The following EFCAB6 variants were observed in gnomAD, a reference collection of about 807,000 sequenced individuals.
EFCAB6 encodes the protein EF-hand calcium-binding domain-containing protein 6.
EFCAB6 carries 156 observed loss-of-function variants against 169.8 expected under a neutral mutation model. The ratio of observed to expected loss-of-function variants is 0.92; its 90% confidence interval spans 0.81 to 1.05. The LOEUF is 1.05. Among genes scored for constraint, EFCAB6 ranks in the 50% least tolerant of loss-of-function variants. The probability of loss-of-function intolerance (pLI) is 0.00; values close to 1 mark genes in which losing one functional copy is unlikely to be tolerated. For synonymous variants in EFCAB6, 698 were observed against 676.4 expected, an observed-to-expected ratio of 1.03 and a Z score of -0.50; for missense variants, 1,800 against 1,829.1, an observed-to-expected ratio of 0.98 and a Z score of 0.29.
At chr22:43,758,997 C>T (rs1019040360) in intron 5 of EFCAB6, among the ~76,000 whole-genome samples, 2 of 152,180 alleles carry the variant, frequency 1.3e-5, no homozygotes, top group Admixed American at 6.5e-5. Context: ...CCAAGACTGG[C>T]GGATCACCTG....
At chr22:43,708,088 C>G (rs1047352654) in intron 10 of EFCAB6, among the ~76,000 whole-genome samples, 1 of 61,970 alleles carries the variant, frequency 1.6e-5, no homozygotes, top group African/African-American at 5.9e-5. Context: ...ATAAAGAAAA[C>G]TAAAAAAAAA....
chr22:43,637,962 G>T (rs1203215395), intron 17 of EFCAB6, among the ~76,000 whole-genome samples: 3 of 152,202 alleles, frequency 2.0e-5, no homozygotes, highest in African/African-American at 7.2e-5. Context: ...ATGTCTGCAG[G>T]CAAATGTTCC....
intron 6 of EFCAB6, among the ~76,000 whole-genome samples, chr22:43,743,864 G>A (rs1162338969): frequency 6.6e-6 from 1 of 152,010 alleles, no homozygotes; most frequent in Non-Finnish European, 1.5e-5. Flanking sequence ...TAACTGTTAA[G>A]TGGATGGATG....
At position 43,744,997 on chromosome 22, in the gene EFCAB6, C is replaced by T. The variant is rs1256831764; in HGVS notation, c.508-9004G>A. On this transcript the variant is annotated intron_variant, in intron 6 of 31. Coordinates refer to ENST00000262726, the MANE Select transcript of EFCAB6 (RefSeq NM_022785.4). This position sits in a 1 kb window ranked among gnomAD's most constrained non-coding sequence, Gnocchi z 4.3. ...AGACCTAAATGTGACCAGAGAGCCA[C>T]CAGATCTGCTGAAGATATTCCTATG... 6.6e-6 allele frequency among the ~76,000 whole-genome samples: 1 copy of T among 152,160 alleles called. No homozygotes were observed. Among genetic ancestry groups the T allele is most frequent in the Non-Finnish European group, 1.5e-5 (1 of 68,034 alleles).
chr22:43,562,747 G>C (rs9614319), intron 26 of EFCAB6, among the ~76,000 whole-genome samples: 1 of 96,334 alleles, frequency 1.0e-5, no homozygotes, highest in Non-Finnish European at 2.1e-5. Flanking sequence ...CCGGTGGGGG[G>C]TTGGAGGGAG....
chr22:43,772,482 T>C (rs2147973454), intron 4 of EFCAB6, among the ~76,000 whole-genome samples: 1 of 151,862 alleles, frequency 6.6e-6, no homozygotes, highest in South Asian at 2.1e-4. Flanking sequence ...CTACTAAAAA[T>C]ACAAAATTAG....
chr22:43,776,435 T>C (rs2061643306), intron 3 of EFCAB6, among the ~76,000 whole-genome samples: 1 of 151,930 alleles, frequency 6.6e-6, no homozygotes, highest in African/African-American at 2.4e-5. Context: ...AAACAAATGA[T>C]AGGGTCATGG....
chr22:43,579,701 T>C (rs1188666894), intron 25 of EFCAB6, among the ~76,000 whole-genome samples: 1 of 150,240 alleles, frequency 6.7e-6, no homozygotes. Flanking sequence ...CATCATTCCA[T>C]ACACATAGGC....
chr22:43,639,881 T>A (rs925703282), intron 17 of EFCAB6, among the ~76,000 whole-genome samples: 1 of 152,206 alleles, frequency 6.6e-6, no homozygotes, highest in Non-Finnish European at 1.5e-5. Context: ...TAACTATTAA[T>A]CTATCCTCGG....
chr22:43,671,435 A>C (rs903377948), intron 15 of EFCAB6, among the ~76,000 whole-genome samples: 2 of 152,046 alleles, frequency 1.3e-5, no homozygotes, highest in African/African-American at 4.8e-5. Flanking sequence ...TTGCTCAGTT[A>C]TCAATATTTG....
Position 43,548,521 on chromosome 22 carries a change from C to T in EFCAB6, c.3648+6348G>A, listed in dbSNP as rs1003935367. 5.0e-5 allele frequency among the ~76,000 whole-genome samples: 5 copies of T among 99,634 alleles called. No homozygotes were observed. The Admixed American group carries it at 8.4e-4, about 17-fold the overall frequency. 65.4% of individuals were successfully genotyped at this position (99,634 alleles called of 152,430 possible). On this transcript the variant is annotated intron_variant, in intron 27 of 31. Transcript: ENST00000262726. ...AGCCACTGCACCCCGGTCTGGGTGA[C>T]AGAGCGAGAATCCATCTCAAAAAAA... is the stretch of plus-strand genomic sequence containing the variant.
chr22:43,799,346 C>CACAT lies in EFCAB6; in HGVS notation c.-8+9648_-8+9649insATGT, dbSNP rs796740203. Among the ~76,000 whole-genome samples the CACAT allele has an allele frequency of 6.9e-4, 105 of 151,914 alleles. 2 individuals carry two copies. The highest frequency in any genetic ancestry group is 2.5e-3 in the African/African-American group (103 of 41,414). ...ATCTGTCTCCACACACACACACACA[C>CACAT]ACACACACACACAAACATGTACAAT... On this transcript the variant is annotated intron_variant, in intron 2 of 31. Transcript: ENST00000262726.
intron 2 of EFCAB6, among the ~76,000 whole-genome samples, chr22:43,787,643 A>C (rs1053467914): frequency 6.6e-6 from 1 of 152,196 alleles, no homozygotes; most frequent in African/African-American, 2.4e-5. Context: ...CATGGATAAG[A>C]TGGCAATACT....
chr22:43,686,396 G>T (rs2058196026), intron 11 of EFCAB6, among the ~76,000 whole-genome samples: 1 of 152,144 alleles, frequency 6.6e-6, no homozygotes, highest in African/African-American at 2.4e-5. Flanking sequence ...GCTCCCATCA[G>T]TAGCTTCCCC....
intron 24 of EFCAB6, among the ~76,000 whole-genome samples, chr22:43,586,077 C>T (rs368987445): frequency 2.0e-5 from 3 of 152,116 alleles, no homozygotes; most frequent in South Asian, 2.1e-4. Context: ...AGAAGGGTGT[C>T]GGAGAAGGAA....
In EFCAB6 at chr22:43,678,018, T is replaced by A; in HGVS notation, c.1397A>T (p.Asp466Val). ...CACCCTACAGTTCTCTTCAATCAGA[T>A]CAATAAACATGCTGGTGTTGACCAC... ...TGVVNTSMFI[D>V]LIEENCRMRK... The change falls in exon 13 of 32, where the codon GAT (aspartate) becomes GTT (valine). Residue 466 changes from aspartate (D) to valine (V), a missense_variant. Physicochemically the swap from Asp to Val is radical, Grantham distance 152. Coordinates refer to ENST00000262726, the MANE Select transcript of EFCAB6 (RefSeq NM_022785.4). 6.2e-7 allele frequency: 1 copy of A among 1,613,850 alleles called. No homozygotes were observed. Among genetic ancestry groups the A allele is most frequent in the Non-Finnish European group, 8.5e-7 (1 of 1,179,918 alleles).
intron 2 of EFCAB6, among the ~76,000 whole-genome samples, chr22:43,803,139 G>A (rs564050193): frequency 1.3e-5 from 2 of 152,098 alleles, no homozygotes; most frequent in African/African-American, 2.4e-5. Flanking sequence ...CCCTTAAACC[G>A]AGATACCTGT....
chr22:43,765,243 G>A (rs755392944), intron 5 of EFCAB6, 62 bp downstream of exon 5: 88 of 1,314,008 alleles, frequency 6.7e-5, no homozygotes, highest in Admixed American at 1.0e-4. Context: ...ATGGCTTCAC[G>A]TCATAGCTCT....
At chr22:43,748,235 A>C (rs931824323) in intron 6 of EFCAB6, among the ~76,000 whole-genome samples, 1 of 152,200 alleles carries the variant, frequency 6.6e-6, no homozygotes, top group African/African-American at 2.4e-5. Flanking sequence ...CCTTATCAGA[A>C]ACCTTCAGTC....
Sources: gnomAD v4.1 joint callset for allele counts (sites outside exome capture counted in the v4.1 genomes callset) on GRCh38, gnomAD v4.1.1 for gene constraint, Gnocchi (gnomAD v3.1) non-coding constraint, MANE v1.5 for transcripts, NCBI Gene and HGNC (gene_info 2026-07-23, HGNC 2026-07-21) for gene names.